The following GSE1 variants were observed in gnomAD, a reference collection of about 807,000 sequenced individuals.
GSE1 encodes genetic suppressor element 1.
A neutral mutation model predicts 112.6 loss-of-function variants in GSE1; 32 were observed. That is an observed-to-expected ratio of 0.28 (90% CI 0.21 to 0.38). The LOEUF (loss-of-function observed/expected upper bound fraction) is 0.38. Among genes scored for constraint, GSE1 ranks in the 10% least tolerant of loss-of-function variants. The pLI, the probability that GSE1 is intolerant of heterozygous loss-of-function variation, is 1.00. For missense variants in GSE1, 2,348 were observed against 1,699.2 expected (o/e 1.38, Z -6.71); for synonymous variants, 1,115 against 735.6 (o/e 1.52, Z -8.35).
intron 2 of GSE1, among the ~76,000 whole-genome samples, chr16:85,413,468 A>G (rs2151721000): frequency 6.6e-6 from 1 of 151,444 alleles, no homozygotes; most frequent in Non-Finnish European, 1.5e-5. Flanking sequence ...ACCATCTTCC[A>G]TCACTAATGT....
intron 1 of GSE1, chr16:85,284,854 T>A (rs1198426378): frequency 6.6e-6 from 1 of 152,214 alleles, no homozygotes; most frequent in African/African-American, 2.4e-5. Flanking sequence ...AGATGTCAGC[T>A]CAAGGGTGTC....
intron 1 of GSE1, among the ~76,000 whole-genome samples, chr16:85,302,233 C>G (rs1231293322): frequency 2.0e-5 from 3 of 152,180 alleles, no homozygotes; most frequent in African/African-American, 7.2e-5. Context: ...CTTGGCGGTT[C>G]AGCTTTCAGG....
At chr16:85,568,973 C>A (rs1236624979) in intron 1 of GSE1, among the ~76,000 whole-genome samples, 2 of 152,190 alleles carry the variant, frequency 1.3e-5, no homozygotes, top group African/African-American at 4.8e-5. Flanking sequence ...AGAAATGAGT[C>A]CCTTTAACAG....
At chr16:85,516,869 C>T (rs901448588) in intron 2 of GSE1, among the ~76,000 whole-genome samples, 2 of 151,160 alleles carry the variant, frequency 1.3e-5, no homozygotes, top group Admixed American at 1.3e-4. Flanking sequence ...GTGATCTCCA[C>T]TTACTGCAAG....
rs111664877 is a variant in GSE1 at position 85,383,437 on chromosome 16, G to A, written c.2464+25794G>A. 1.6e-3 allele frequency among the ~76,000 whole-genome samples: 242 copies of A among 150,666 alleles called. 1 individual carries two copies. In the Middle Eastern group the frequency reaches 0.021, roughly 13 times the overall value. ...ACACACAGCCTCTGTACATAGATACGCACGCATTCACATGTACACACAGTC... is the reference window on the plus strand; with the variant it reads ...ACACACAGCCTCTGTACATAGATACACACGCATTCACATGTACACACAGTC... On this transcript the variant is annotated intron_variant, in intron 2 of 2. Coordinates refer to the GSE1 transcript ENST00000637419.
chr16:85,507,301 T>C (rs2051569792), intron 2 of GSE1, among the ~76,000 whole-genome samples: 1 of 152,142 alleles, frequency 6.6e-6, no homozygotes, highest in Admixed American at 6.5e-5. Context: ...TGGTATCCGG[T>C]TTGGAAACTG....
intron 2 of GSE1, chr16:85,463,155 G>T (rs1295747340): frequency 1.4e-5 from 14 of 973,786 alleles, no homozygotes; most frequent in Non-Finnish European, 1.7e-5. Context: ...CCCCGTGGAC[G>T]GGAGGGTGGG....
At chr16:85,188,171 C>A (rs1258929672) in intron 1 of GSE1, among the ~76,000 whole-genome samples, 1 of 152,176 alleles carries the variant, frequency 6.6e-6, no homozygotes, top group African/African-American at 2.4e-5. Flanking sequence ...CCGTGGGCTC[C>A]CAGTGCTCAT....
intron 1 of GSE1, among the ~76,000 whole-genome samples, chr16:85,574,987 T>C (rs1266768101): frequency 6.6e-6 from 1 of 152,214 alleles, no homozygotes; most frequent in Non-Finnish European, 1.5e-5. Flanking sequence ...CCCCTTGCCC[T>C]GCCAGCGGCT....
intron 1 of GSE1, among the ~76,000 whole-genome samples, chr16:85,226,187 T>G (rs1251233218): frequency 6.6e-6 from 1 of 152,168 alleles, no homozygotes; most frequent in East Asian, 1.9e-4. Context: ...ATGGACATGT[T>G]CCGAAACCAC....
intron 1 of GSE1, among the ~76,000 whole-genome samples, chr16:85,213,126 A>G (rs150257739): frequency 6.6e-6 from 1 of 151,982 alleles, no homozygotes; most frequent in African/African-American, 2.4e-5. Context: ...AAAATTAGCC[A>G]GCCGTGGTGG....
intron 1 of GSE1, among the ~76,000 whole-genome samples, chr16:85,558,090 G>A (rs1239045712): frequency 1.3e-5 from 2 of 152,152 alleles, no homozygotes; most frequent in East Asian, 3.9e-4. Context: ...GTAAAATAAA[G>A]GTTGTAAGGG....
intron 2 of GSE1, among the ~76,000 whole-genome samples, chr16:85,523,328 C>T (rs759119206): frequency 2.6e-5 from 4 of 152,088 alleles, no homozygotes; most frequent in African/African-American, 7.2e-5. Context: ...CCTGTGTGTG[C>T]GTGCGTGCAT....
At chr16:85,331,623 A>T in intron 1 of GSE1, among the ~76,000 whole-genome samples, 1 of 78,712 alleles carries the variant, frequency 1.3e-5, no homozygotes, top group Non-Finnish European at 3.0e-5. Flanking sequence ...ATATGTGTGT[A>T]TATATGTGTA....
chr16:85,404,060 C>T (rs970581141), intron 2 of GSE1, among the ~76,000 whole-genome samples: 1 of 151,982 alleles, frequency 6.6e-6, no homozygotes, highest in Non-Finnish European at 1.5e-5. Flanking sequence ...TCCCTCTGCC[C>T]ACCTCTCAGA....
At chr16:85,650,946 C>T (rs1192851755) in intron 3 of GSE1, among the ~76,000 whole-genome samples, 2 of 151,818 alleles carry the variant, frequency 1.3e-5, no homozygotes, top group Non-Finnish European at 2.9e-5. Context: ...GATGAAAAAG[C>T]CTGTTTTAAA....
chr16:85,431,448 G>A (rs759642268), intron 2 of GSE1, among the ~76,000 whole-genome samples: 5 of 152,224 alleles, frequency 3.3e-5, no homozygotes, highest in Admixed American at 1.3e-4. Context: ...TTACGTTACC[G>A]CGGGGCGAAA....
intron 1 of GSE1, among the ~76,000 whole-genome samples, chr16:85,260,686 C>T (rs185683970): frequency 3.3e-5 from 5 of 152,362 alleles, no homozygotes; most frequent in East Asian, 3.9e-4. Flanking sequence ...ATGGGGGCTA[C>T]GCCACAGGGC....
chr16:85,493,089 G>T (rs2051061410), intron 2 of GSE1, among the ~76,000 whole-genome samples: 1 of 152,228 alleles, frequency 6.6e-6, no homozygotes, highest in Non-Finnish European at 1.5e-5. Context: ...TGGAGCAGAG[G>T]CCTGGAGGAA....
Sources: gnomAD v4.1 joint callset for allele counts (sites outside exome capture counted in the v4.1 genomes callset) on GRCh38, gnomAD v4.1.1 for gene constraint, MANE v1.5 for transcripts, NCBI Gene and HGNC (gene_info 2026-07-23, HGNC 2026-07-21) for gene names.